The following C1QB variants were observed in gnomAD, a reference collection of about 807,000 sequenced individuals.
C1QB encodes the protein complement C1q B chain.
A neutral mutation model predicts 4.6 loss-of-function variants in C1QB; 2 were observed. The ratio of observed to expected loss-of-function variants is 0.43; its 90% confidence interval spans 0.18 to 1.36. The LOEUF (loss-of-function observed/expected upper bound fraction) is 1.36. Among genes scored for constraint, C1QB ranks in the 40% most tolerant of loss-of-function variants. The pLI, the probability that C1QB is intolerant of heterozygous loss-of-function variation, is 0.28. For missense variants in C1QB, 292 were observed against 338.0 expected, an observed-to-expected ratio of 0.86 and a Z score of 1.07; for synonymous variants, 132 against 137.1, an observed-to-expected ratio of 0.96 and a Z score of 0.26.
intron 1 of C1QB, among the ~76,000 whole-genome samples, chr1:22,653,780 C>T (rs762048106): frequency 4.6e-5 from 7 of 152,164 alleles, no homozygotes; most frequent in South Asian, 2.1e-4. Flanking sequence ...CGCTCCTGCC[C>T]GGCCCAGCAT....
intron 2 of C1QB, 83 bp from the exon 3 acceptor site, chr1:22,660,729 G>A: frequency 7.2e-7 from 1 of 1,385,874 alleles, no homozygotes; most frequent in Non-Finnish European, 1.0e-6. Flanking sequence ...CTCAGAGAGA[G>A]GCAGGGCCCT....
Position 22,660,945 on chromosome 1 carries a change from AG to A in C1QB, c.317del (p.Gly106AlafsTer38). On this transcript the variant is annotated frameshift_variant, in exon 3 of 3. Transcript: ENST00000509305. LOFTEE classifies it low-confidence loss of function (END_TRUNC). Reference protein sequence around the residue: ...KGGPGAPGAPGPKGESGDYKA... With the variant: ...KGGPGAPGAPXPKGESGDYKA... ...GTGGCCCAGGGGCCCCTGGAGCCCC[AG>A]GCCCCAAAGGTGAATCGGGAGACTA... 1 of 1,613,738 alleles carries A rather than the reference AG, an allele frequency of 6.2e-7. No homozygotes were observed. The highest frequency in any genetic ancestry group is 8.5e-7 in the Non-Finnish European group (1 of 1,179,836).
rs1173113259 is a variant in C1QB, at chr1:22,659,597, T to A, written c.135T>A (p.Pro45=). 5 of 1,613,858 alleles carry A rather than the reference T, an allele frequency of 3.1e-6. No individual in the cohort carries two copies. The highest frequency in any genetic ancestry group is 4.2e-6 in the Non-Finnish European group (5 of 1,179,872). ...GCATCCCGGGTATCCCTGGGACACC[T>A]GGCCCCGATGGCCAACCTGGGACCC... The part of the protein sequence containing the change: ...IPGIPGIPGT[P]GPDGQPGTPG... The change falls in exon 2 of 3, where the codon CCT becomes CCA. Residue 45 remains proline, a synonymous_variant. Transcript: ENST00000509305.
At chr1:22,659,789 G>A in intron 2 of C1QB, 146 bp downstream of exon 2, 3 of 978,838 alleles carry the variant, frequency 3.1e-6, no homozygotes, top group Non-Finnish European at 3.1e-6. Context: ...TTTGCAAGGA[G>A]GGAATTCTGA....
At position 22,661,305 on chromosome 1, in the gene C1QB, C is replaced by T. The variant is rs146518300; in HGVS notation, c.675C>T (p.Thr225=). 322 of 1,613,912 alleles carry T rather than the reference C, an allele frequency of 2.0e-4. No individual in the cohort carries two copies. Among genetic ancestry groups the T allele is most frequent in the Middle Eastern group, 8.2e-4 (5 of 6,084 alleles). ...EQGENVFLQA[T]DKNSLLGMEG... ...GGGAGAACGTCTTCCTGCAGGCCAC[C>T]GACAAGAACTCACTACTGGGCATGG... The change falls in exon 3 of 3, where the codon ACC becomes ACT. Residue 225 remains threonine (T), a synonymous_variant. Coordinates refer to ENST00000509305, the MANE Select transcript of C1QB (RefSeq NM_001378156.1).
intron 1 of C1QB, among the ~76,000 whole-genome samples, chr1:22,656,503 A>G (rs1448010938): frequency 6.6e-6 from 1 of 152,144 alleles, no homozygotes; most frequent in Non-Finnish European, 1.5e-5. Flanking sequence ...GTGAGACCCC[A>G]TCTCAAAAAA....
chr1:22,660,479 G>C (rs1642603928), intron 2 of C1QB, among the ~76,000 whole-genome samples: 2 of 152,174 alleles, frequency 1.3e-5, no homozygotes, highest in Non-Finnish European at 2.9e-5. Context: ...TGTCTGCCAG[G>C]GGTGAGGGAT....
At chr1:22,657,744 G>T (rs577425139) in intron 1 of C1QB, among the ~76,000 whole-genome samples, 3 of 152,190 alleles carry the variant, frequency 2.0e-5, no homozygotes, top group Non-Finnish European at 4.4e-5. Flanking sequence ...TATGTTGTAG[G>T]AATGTTGCCT....
chr1:22,659,505 C>T lies in C1QB; in HGVS notation c.43C>T (p.Leu15=). 6.2e-7 allele frequency: 1 copy of T among 1,614,072 alleles called. No individual in the cohort carries two copies. The highest frequency in any genetic ancestry group is 8.5e-7 in the Non-Finnish European group (1 of 1,179,988). The change falls in exon 2 of 3, where the codon CTG becomes TTG. Residue 15 remains leucine, a synonymous_variant. Transcript: ENST00000509305. ...WGSIPVLMLL[L]LLGLIDISQA... ...CAGCATCCCAGTACTGATGTTGCTC[C>T]TGCTCCTGGGCCTAATCGATATCTC...
intron 1 of C1QB, among the ~76,000 whole-genome samples, chr1:22,654,576 C>T (rs1434317809): frequency 6.6e-6 from 1 of 152,090 alleles, no homozygotes; most frequent in Non-Finnish European, 1.5e-5. Flanking sequence ...TCCAACATGC[C>T]AGGCTCTGTT....
intron 1 of C1QB, among the ~76,000 whole-genome samples, chr1:22,658,074 G>T (rs956775592): frequency 6.6e-6 from 1 of 152,188 alleles, no homozygotes; most frequent in Admixed American, 6.5e-5. Context: ...AGTAGATGCA[G>T]GGATGCTCTA....
chr1:22,661,296 G>T lies in C1QB; in HGVS notation c.666G>T (p.Leu222=), dbSNP rs1642619090. 1 of 1,614,050 alleles carries T rather than the reference G, an allele frequency of 6.2e-7. No individual in the cohort carries two copies. The highest frequency in any genetic ancestry group is 8.5e-7 in the Non-Finnish European group (1 of 1,180,002). Residue 222 remains leucine (L), a synonymous_variant, in exon 3 of 3, where the codon CTG becomes CTT. Coordinates refer to ENST00000509305, the MANE Select transcript of C1QB (RefSeq NM_001378156.1). ...TGGAGCAGGGGGAGAACGTCTTCCT[G>T]CAGGCCACCGACAAGAACTCACTAC... ...LKLEQGENVF[L]QATDKNSLLG...
At chr1:22,660,764 C>T in intron 2 of C1QB, 48 bp from the exon 3 acceptor site, 1 of 1,597,712 alleles carries the variant, frequency 6.3e-7, no homozygotes, top group African/African-American at 1.3e-5. Context: ...CGCAGGCCTC[C>T]TTCTTTTGGT....
intron 2 of C1QB, among the ~76,000 whole-genome samples, chr1:22,660,177 A>G (rs888635757): frequency 6.6e-6 from 1 of 152,140 alleles, no homozygotes; most frequent in African/African-American, 2.4e-5. Context: ...TAATCCTTAC[A>G]ATCCCACAAA....
Position 22,659,585 on chromosome 1 carries a change from C to A in C1QB, c.123C>A (p.Ile41=), listed in dbSNP as rs1642590411. Residue 41 remains isoleucine, a synonymous_variant, in exon 2 of 3, where the codon ATC becomes ATA. Transcript: ENST00000509305. ...GPPAIPGIPG[I]PGTPGPDGQP... ...CAGCCATCCCTGGCATCCCGGGTAT[C>A]CCTGGGACACCTGGCCCCGATGGCC... 1.2e-6 allele frequency: 2 copies of A among 1,613,986 alleles called. No homozygotes were observed. The highest frequency in any genetic ancestry group is 1.7e-6 in the Non-Finnish European group (2 of 1,179,942).
intron 1 of C1QB, among the ~76,000 whole-genome samples, chr1:22,657,960 C>G (rs569089101): frequency 5.9e-5 from 9 of 152,146 alleles, no homozygotes; most frequent in African/African-American, 1.9e-4. Flanking sequence ...GCAGAAACAG[C>G]CTGGTATGCT....
Position 22,655,463 on chromosome 1 carries a change from A to G in C1QB, c.-24+2160A>G, listed in dbSNP as rs1642516632. ...CAGAGCATAGGAGCCAAATATCAGTAGGCCTTGTCTGGTCCCAGGGAGCCC... is the reference window on the plus strand; with the variant it reads ...CAGAGCATAGGAGCCAAATATCAGTGGGCCTTGTCTGGTCCCAGGGAGCCC... On this transcript the variant is annotated intron_variant, in intron 1 of 2. Transcript: ENST00000509305. Among the ~76,000 whole-genome samples the G allele has an allele frequency of 2.7e-5, 4 of 149,986 alleles. No individual in the cohort carries two copies. The South Asian group carries it at 8.4e-4, about 31-fold the overall frequency.
In C1QB at chr1:22,661,509, A is replaced by C. The variant is rs1426387125; in HGVS notation, c.*123A>C. ...CTTGGTGAATGCTGCTGAGTGAATG[A>C]GTAAATAAACTCTTCAAGGCCAAGG... On this transcript the variant is annotated 3_prime_UTR_variant, in exon 3 of 3. Transcript: ENST00000509305. 8.5e-7 allele frequency: 1 copy of C among 1,176,226 alleles called. No individual in the cohort carries two copies. The highest frequency in any genetic ancestry group is 1.5e-5 in the African/African-American group (1 of 66,118). 72.9% of individuals were successfully genotyped at this position (1,176,226 alleles called of 1,614,324 possible).
At position 22,661,248 on chromosome 1, in the gene C1QB, C is replaced by T. The variant is rs753694468; in HGVS notation, c.618C>T (p.Thr206=). ...ATGCCTACAACACCTTCCAGGTCAC[C>T]ACCGGTGGCATGGTCCTCAAGCTGG... ...CDYAYNTFQV[T]TGGMVLKLEQ... The change falls in exon 3 of 3, where the codon ACC becomes ACT. Residue 206 remains threonine, a synonymous_variant. Transcript: ENST00000509305. 2 of 1,613,224 alleles carry T rather than the reference C, an allele frequency of 1.2e-6. No homozygotes were observed. Among genetic ancestry groups the T allele is most frequent in the African/African-American group, 1.3e-5 (1 of 74,868 alleles).
Sources: gnomAD v4.1 joint callset for allele counts (sites outside exome capture counted in the v4.1 genomes callset) on GRCh38, gnomAD v4.1.1 for gene constraint, MANE v1.5 for transcripts, NCBI Gene and HGNC (gene_info 2026-07-23, HGNC 2026-07-21) for gene names.